CHGB: variants seen among roughly 807,000 people sequenced by gnomAD.
The protein encoded by CHGB is chromogranin B.
A neutral mutation model predicts 69.9 loss-of-function variants in CHGB; 46 were observed. The ratio of observed to expected loss-of-function variants is 0.66; its 90% CI spans 0.52 to 0.84. CHGB has a LOEUF of 0.84. CHGB is among the 40% of genes least tolerant of loss of function. The pLI, the probability that CHGB is intolerant of heterozygous loss-of-function variation, is 0.00. For synonymous variants in CHGB, 312 were observed against 298.2 expected (o/e 1.05, Z -0.48); for missense variants, 796 against 822.2 (o/e 0.97, Z 0.39).
At position 5,921,332 on chromosome 20, in the gene CHGB, A is replaced by G. The variant is rs1357850174; in HGVS notation, c.191-1003A>G. Among the ~76,000 whole-genome samples, 3 of 152,170 alleles carry G rather than the reference A, an allele frequency of 2.0e-5. 1 individual carries two copies. Among genetic ancestry groups the G allele is most frequent in the Admixed American group, 2.0e-4 (3 of 15,262 alleles). ...CAAGTGCTCAACAGCACTTGGGCTT[A>G]TGGTGCCTGCAGTGTAGACCCAGAG... On this transcript the variant is annotated intron_variant, in intron 3 of 4. Transcript: ENST00000378961.
intron 4 of CHGB, among the ~76,000 whole-genome samples, chr20:5,924,660 G>T (rs1023439934): frequency 6.6e-6 from 1 of 152,014 alleles, no homozygotes; most frequent in Non-Finnish European, 1.5e-5. Context: ...CCCAAACAAT[G>T]TTTTTTTTCC....
Position 5,923,195 on chromosome 20 carries a change from G to A in CHGB, c.1051G>A (p.Val351Ile), listed in dbSNP as rs149324011. 1,164 of 1,613,796 alleles carry A rather than the reference G, an allele frequency of 7.2e-4. 5 individuals carry two copies. Among genetic ancestry groups the A allele is most frequent in the Middle Eastern group, 9.9e-4 (6 of 6,062 alleles). Residue 351 changes from valine to isoleucine, a missense_variant, in exon 4 of 5, where the codon GTC becomes ATC. Val to Ile is a conservative substitution (Grantham distance 29). This residue lies in a region of CHGB where 518 missense variants were observed against 506.3 expected (regional missense o/e 1.02). Coordinates refer to ENST00000378961, the MANE Select transcript of CHGB (RefSeq NM_001819.3). ...YGEEIKGYPG[V>I]QAPEDLEWER... ...AGAAGAAATAAAGGGTTATCCAGGC[G>A]TCCAGGCCCCTGAGGACCTGGAGTG...
At chr20:5,919,212 C>T (rs967926271) in intron 3 of CHGB, among the ~76,000 whole-genome samples, 1 of 152,212 alleles carries the variant, frequency 6.6e-6, no homozygotes, top group Admixed American at 6.5e-5. Context: ...GATCTTAGCC[C>T]TTAGATTATG....
chr20:5,924,571 T>C (rs1003334027), intron 4 of CHGB, among the ~76,000 whole-genome samples: 4 of 152,216 alleles, frequency 2.6e-5, no homozygotes, highest in African/African-American at 7.2e-5. Flanking sequence ...CTATTTAGTT[T>C]GCTATCTTTA....
In CHGB at chr20:5,923,373, G is replaced by A. The variant is rs765892874; in HGVS notation, c.1229G>A (p.Gly410Asp). Residue 410 changes from glycine (G) to aspartate (D), a missense_variant, in exon 4 of 5, where the codon GGC becomes GAC. Gly to Asp is a moderately conservative substitution (Grantham distance 94). Coordinates refer to ENST00000378961, the MANE Select transcript of CHGB (RefSeq NM_001819.3). ...GGTGAAGAAAGTGAGGAAGAGAGGG[G>A]CCTTGAGCCGGGAAAGGGACGCCAT... Reference protein sequence around the residue: ...GYGEESEEERGLEPGKGRHHR... With the variant: ...GYGEESEEERDLEPGKGRHHR... The A allele has an allele frequency of 6.2e-6, 10 of 1,613,772 alleles. No homozygotes were observed. Among genetic ancestry groups the A allele is most frequent in the Admixed American group, 3.3e-5 (2 of 59,986 alleles).
intron 1 of CHGB, chr20:5,914,569 G>T (rs1367452350): frequency 6.6e-6 from 1 of 152,202 alleles, no homozygotes; most frequent in Non-Finnish European, 1.5e-5. Context: ...TAGTAAAGCT[G>T]CATTTTTTAA....
rs918150134 is a variant in CHGB, at chr20:5,922,537, A to G, written c.393A>G (p.Arg131=). ...EKWAEGGGHS[R]ERADEPQWSL... ...GGGCAGAGGGAGGCGGGCACAGCCG[A>G]GAGCGAGCGGATGAGCCCCAGTGGA... The change falls in exon 4 of 5, where the codon CGA becomes CGG. Residue 131 remains arginine (R), a synonymous_variant. Transcript: ENST00000378961. The G allele has an allele frequency of 2.5e-6, 4 of 1,613,106 alleles. No homozygotes were observed. In the Admixed American group the frequency reaches 6.7e-5, roughly 27 times the overall value.
rs750860247 is a variant in CHGB at position 5,923,851 on chromosome 20, C to A, written c.1707C>A (p.Asp569Glu). ...EKNFFPEYNY[D>E]WWEKKPFSED... ...ATTTCTTCCCAGAATACAACTATGA[C>A]TGGTGGGAGAAAAAGCCCTTCTCTG... The change falls in exon 4 of 5, where the codon GAC (aspartate) becomes GAA (glutamate). Residue 569 changes from aspartate (D) to glutamate (E), a missense_variant. Asp to Glu is a conservative substitution (Grantham distance 45). Around this residue, in one of 3 missense-constraint regions of CHGB, gnomAD observed 274 missense variants for 298.9 expected, o/e 0.92. Transcript: ENST00000378961. 8.7e-6 allele frequency: 14 copies of A among 1,614,172 alleles called. No homozygotes were observed. The South Asian group carries it at 1.2e-4, about 14-fold the overall frequency.
intron 3 of CHGB, 195 bp downstream of exon 3, chr20:5,917,114 G>A (rs2088480319): frequency 1.6e-6 from 1 of 607,226 alleles, no homozygotes; most frequent in Non-Finnish European, 3.0e-6. Context: ...TCGCAGCTGT[G>A]TGACTATAGG....
intron 1 of CHGB, among the ~76,000 whole-genome samples, chr20:5,912,616 T>C (rs1383236856): frequency 6.6e-6 from 1 of 152,070 alleles, no homozygotes; most frequent in East Asian, 1.9e-4. Flanking sequence ...ACAAATGATC[T>C]CTGAAGATCT....
rs1209613902 is a variant in CHGB at position 5,923,768 on chromosome 20, A to T, written c.1624A>T (p.Met542Leu). ...CAGCCATTTTGAAAGAAGAGACAAC[A>T]TGAATGACAATTTTCTCGAGGGTGA... ...KSSHFERRDN[M>L]NDNFLEGEEE... Residue 542 changes from methionine (M) to leucine (L), a missense_variant, in exon 4 of 5, where the codon ATG (methionine) becomes TTG (leucine). Met to Leu is a conservative substitution (Grantham distance 15). Transcript: ENST00000378961. The T allele has an allele frequency of 3.1e-6, 5 of 1,614,202 alleles. No individual in the cohort carries two copies. The highest frequency in any genetic ancestry group is 4.2e-6 in the Non-Finnish European group (5 of 1,180,020).
Position 5,923,311 on chromosome 20 carries a change from C to T in CHGB, c.1167C>T (p.Tyr389=), listed in dbSNP as rs746889770. 1.1e-5 allele frequency: 18 copies of T among 1,613,580 alleles called. No homozygotes were observed. In the Admixed American group the frequency reaches 2.7e-4, roughly 24 times the overall value. ...ESWDEEDKRN[Y]PSLELDKMAH... is the part of the protein sequence containing the mutation. ...GGGATGAGGAGGACAAGAGAAACTA[C>T]CCCAGCTTAGAGCTTGATAAGATGG... Residue 389 remains tyrosine (Y), a synonymous_variant, in exon 4 of 5, where the codon TAC becomes TAT. Transcript: ENST00000378961.
At chr20:5,913,085 T>C (rs1290005940) in intron 1 of CHGB, among the ~76,000 whole-genome samples, 12 of 152,248 alleles carry the variant, frequency 7.9e-5, no homozygotes, top group Admixed American at 7.8e-4. Flanking sequence ...GTGACATTTG[T>C]GGGAATGATT....
intron 1 of CHGB, 85 bp downstream of exon 1, chr20:5,911,767 T>G: frequency 4.0e-6 from 5 of 1,256,574 alleles, no homozygotes; most frequent in Non-Finnish European, 5.2e-6. Context: ...GGCTGGCGGA[T>G]CCCGGGAGAG....
At chr20:5,913,727 T>C (rs190464306) in intron 1 of CHGB, among the ~76,000 whole-genome samples, 1 of 148,410 alleles carries the variant, frequency 6.7e-6, no homozygotes, top group Non-Finnish European at 1.5e-5. Context: ...TCTCCCGGGC[T>C]CAAGCAATTG....
rs1392089021 is a variant in CHGB, at chr20:5,923,898, A to G, written c.1754A>G (p.Glu585Gly). Reference sequence around the variant, plus strand: ...TCTGAGGATGTGAACTGGGGGTATGAGAAGAGAAACCTCGCCAGGGTCCCC... The same window carrying G: ...TCTGAGGATGTGAACTGGGGGTATGGGAAGAGAAACCTCGCCAGGGTCCCC... ...PFSEDVNWGY[E>G]KRNLARVPKL... is the part of the protein sequence containing the mutation. The change falls in exon 4 of 5, where the codon GAG (glutamate) becomes GGG (glycine). Residue 585 changes from glutamate to glycine, a missense_variant. By Grantham distance (98) the Glu-to-Gly change is moderately conservative. Coordinates refer to ENST00000378961, the MANE Select transcript of CHGB (RefSeq NM_001819.3). The G allele has an allele frequency of 1.9e-6, 3 of 1,614,082 alleles. No individual in the cohort carries two copies. The highest frequency in any genetic ancestry group is 2.5e-6 in the Non-Finnish European group (3 of 1,180,042).
At chr20:5,921,172 C>G (rs909980939) in intron 3 of CHGB, among the ~76,000 whole-genome samples, 1 of 151,388 alleles carries the variant, frequency 6.6e-6, no homozygotes, top group Non-Finnish European at 1.5e-5. Context: ...ATATATTATC[C>G]AATACATCCA....
chr20:5,919,713 A>C (rs868834163), intron 3 of CHGB, among the ~76,000 whole-genome samples: 3 of 152,182 alleles, frequency 2.0e-5, no homozygotes, highest in Middle Eastern at 3.2e-3. Context: ...CTTTTATCCT[A>C]TTCTAGTTCT....
rs752311103 is a variant in CHGB at position 5,922,651 on chromosome 20, G to A, written c.507G>A (p.Glu169=). 72 of 1,613,852 alleles carry A rather than the reference G, an allele frequency of 4.5e-5. No homozygotes were observed. Among genetic ancestry groups the A allele is most frequent in the Non-Finnish European group, 5.8e-5 (68 of 1,179,916 alleles). ...KSQREDEEEE[E]GENYQKGERG... ...AGAGAGAGGATGAGGAGGAGGAGGA[G>A]GGAGAGAACTATCAAAAAGGGGAGC... The change falls in exon 4 of 5, where the codon GAG becomes GAA. Residue 169 remains glutamate (E), a synonymous_variant. Coordinates refer to ENST00000378961, the MANE Select transcript of CHGB (RefSeq NM_001819.3).
Sources: allele counts gnomAD v4.1 joint callset (sites outside exome capture counted in the v4.1 genomes callset), GRCh38; gene constraint gnomAD v4.1.1; regional missense constraint gnomAD v4.1.1; transcripts MANE v1.5; gene names NCBI Gene and HGNC (gene_info 2026-07-23, HGNC 2026-07-21).